The following MAP2 variants were observed in gnomAD, a reference collection of about 807,000 sequenced individuals.
MAP2 encodes microtubule associated protein 2.
A neutral mutation model predicts 137.6 loss-of-function variants in MAP2; 14 were observed. The ratio of observed to expected loss-of-function variants is 0.10; its 90% CI spans 0.07 to 0.16. The LOEUF (loss-of-function observed/expected upper bound fraction) is 0.16, where lower values mean the gene tolerates loss of function less well. Among genes scored for constraint, MAP2 ranks in the 10% least tolerant of loss-of-function variants. MAP2 has a pLI of 1.00. For synonymous variants in MAP2, 786 were observed against 782.3 expected, an observed-to-expected ratio of 1.00 and a Z score of -0.08; for missense variants, 2,088 against 2,191.5, an observed-to-expected ratio of 0.95 and a Z score of 0.94.
chr2:209,474,505 A>G (rs2149750757), intron 1 of MAP2, among the ~76,000 whole-genome samples: 1 of 152,258 alleles, frequency 6.6e-6, no homozygotes, highest in South Asian at 2.1e-4. Flanking sequence ...GACAAATAGT[A>G]TTCCATTACA....
intron 1 of MAP2, among the ~76,000 whole-genome samples, chr2:209,457,117 C>G (rs1277777165): frequency 6.6e-6 from 1 of 152,158 alleles, no homozygotes; most frequent in Non-Finnish European, 1.5e-5. Context: ...GTTTCAATAA[C>G]ATTATCTCAT....
At chr2:209,488,458 G>C (rs763263444) in intron 1 of MAP2, among the ~76,000 whole-genome samples, 1 of 152,166 alleles carries the variant, frequency 6.6e-6, no homozygotes, top group Non-Finnish European at 1.5e-5. Context: ...CCCTGGAAAG[G>C]GGGGCTGAAG....
At chr2:209,441,488 G>A (rs1279688747) in intron 1 of MAP2, among the ~76,000 whole-genome samples, 1 of 151,538 alleles carries the variant, frequency 6.6e-6, no homozygotes, top group Non-Finnish European at 1.5e-5. Context: ...TGGAAAAGAA[G>A]GGAAAAAGGA....
intron 1 of MAP2, among the ~76,000 whole-genome samples, chr2:209,426,662 C>T (rs1692662853): frequency 6.6e-6 from 1 of 152,142 alleles, no homozygotes. Flanking sequence ...AGGAGCACAC[C>T]CATCTCAGGG....
At chr2:209,567,815 T>C (rs1249085904) in intron 2 of MAP2, among the ~76,000 whole-genome samples, 2 of 152,088 alleles carry the variant, frequency 1.3e-5, no homozygotes, top group South Asian at 2.1e-4. Context: ...TATTTCCTTT[T>C]GATTTAAAAG....
chr2:209,703,915 GAAAAT>G, intron 11 of MAP2: 2 of 449,928 alleles, frequency 4.4e-6, no homozygotes, highest in Non-Finnish European at 8.9e-6. Context: ...CTGGTTAATA[GAAAAT>G]AAAATGGTTT....
intron 2 of MAP2, among the ~76,000 whole-genome samples, chr2:209,542,562 T>A (rs551878701): frequency 6.6e-6 from 1 of 152,392 alleles, no homozygotes; most frequent in East Asian, 1.9e-4. Context: ...GGTTGTTTTA[T>A]CTACATTAAC....
At chr2:209,699,651 C>T (rs1478113918) in intron 10 of MAP2, among the ~76,000 whole-genome samples, 1 of 152,090 alleles carries the variant, frequency 6.6e-6, no homozygotes, top group Admixed American at 6.6e-5. Flanking sequence ...ATTTACTGAA[C>T]TTAAATTTTC....
intron 2 of MAP2, among the ~76,000 whole-genome samples, chr2:209,528,882 G>GTA (rs2064610747): frequency 6.9e-6 from 1 of 145,412 alleles, no homozygotes; most frequent in African/African-American, 2.6e-5. Context: ...ATGTATATAT[G>GTA]TGTGTATATA....
rs1418721363 is a variant in MAP2, at chr2:209,694,130, TCTC to T, written c.1964_1966del (p.Pro655del). The T allele has an allele frequency of 6.2e-7, 1 of 1,613,904 alleles. No individual in the cohort carries two copies. Among genetic ancestry groups the T allele is most frequent in the Admixed American group, 1.7e-5 (1 of 59,992 alleles). ...ATCAGATTTACCTGAAGAACCCAGT[TCTC>T]CTCAAGAAAGAATGTTCACTATTGA... On this transcript the variant is annotated inframe_deletion, in exon 8 of 16. Transcript: ENST00000682079.
chr2:209,684,835 A>G (rs1383469861), intron 7 of MAP2, among the ~76,000 whole-genome samples: 1 of 152,190 alleles, frequency 6.6e-6, no homozygotes, highest in Non-Finnish European at 1.5e-5. Context: ...CATGCATTCA[A>G]TCCTGACCTC....
chr2:209,695,089 A>T lies in MAP2; in HGVS notation c.2919A>T (p.Ser973=), dbSNP rs1166257510. ...VLEKSEEHAD[S]KEHAKKTEEA... is the part of the protein sequence containing the mutation. ...AAAAGAGTGAAGAACATGCTGATTCAAAAGAACATGCCAAGAAAACTGAAG... is the reference window on the plus strand; with the variant it reads ...AAAAGAGTGAAGAACATGCTGATTCTAAAGAACATGCCAAGAAAACTGAAG... Residue 973 remains serine, a synonymous_variant, in exon 8 of 16, where the codon TCA becomes TCT. Coordinates refer to ENST00000682079, the MANE Select transcript of MAP2 (RefSeq NM_001375505.1). The T allele has an allele frequency of 3.1e-6, 5 of 1,614,182 alleles. No homozygotes were observed. Among genetic ancestry groups the T allele is most frequent in the Non-Finnish European group, 3.4e-6 (4 of 1,180,022 alleles).
chr2:209,646,932 T>C (rs1478051458), intron 4 of MAP2, among the ~76,000 whole-genome samples: 1 of 152,166 alleles, frequency 6.6e-6, no homozygotes, highest in Non-Finnish European at 1.5e-5. Context: ...TAAAGAAATA[T>C]CTGAGACTGT....
intron 1 of MAP2, among the ~76,000 whole-genome samples, chr2:209,503,835 G>T (rs1467911243): frequency 6.6e-6 from 1 of 152,078 alleles, no homozygotes; most frequent in African/African-American, 2.4e-5. Context: ...TGCTGCAAAC[G>T]TTGGGTTCAA....
chr2:209,709,287 G>T (rs980873593), intron 12 of MAP2, among the ~76,000 whole-genome samples: 24 of 152,166 alleles, frequency 1.6e-4, no homozygotes, highest in African/African-American at 5.8e-4. Context: ...TTGGTTTGAA[G>T]CACTGAGATA....
intron 2 of MAP2, among the ~76,000 whole-genome samples, chr2:209,571,916 A>G (rs2074459182): frequency 2.6e-5 from 4 of 152,060 alleles, no homozygotes; most frequent in South Asian, 4.2e-4. Context: ...CTTTACCTTG[A>G]TAAGTGAAAT....
intron 2 of MAP2, among the ~76,000 whole-genome samples, chr2:209,519,755 A>C (rs1012329245): frequency 6.6e-6 from 1 of 152,110 alleles, no homozygotes; most frequent in Non-Finnish European, 1.5e-5. Flanking sequence ...TAAGAAAAGT[A>C]GTCAGTGGAT....
At chr2:209,602,141 CTTAG>C (rs937751002) in intron 3 of MAP2, among the ~76,000 whole-genome samples, 1 of 152,126 alleles carries the variant, frequency 6.6e-6, no homozygotes, top group African/African-American at 2.4e-5. Flanking sequence ...ACCAATATGC[CTTAG>C]TTTTTTAGTT....
At chr2:209,584,980 G>A (rs952592372) in intron 3 of MAP2, among the ~76,000 whole-genome samples, 1 of 152,076 alleles carries the variant, frequency 6.6e-6, no homozygotes, top group African/African-American at 2.4e-5. Flanking sequence ...AAAATGCCTA[G>A]TACATAGCAG....
Sources: gnomAD v4.1 joint callset for allele counts (sites outside exome capture counted in the v4.1 genomes callset) on GRCh38, gnomAD v4.1.1 for gene constraint, MANE v1.5 for transcripts, NCBI Gene and HGNC (gene_info 2026-07-23, HGNC 2026-07-21) for gene names.